The following CPNE8 variants were observed in gnomAD, a reference collection of about 807,000 sequenced individuals.
The protein encoded by CPNE8 is copine 8.
In CPNE8, 45 loss-of-function variants were observed where a neutral mutation model predicts 81.5. The observed-to-expected ratio is 0.55, with a 90% CI of 0.44 to 0.71. CPNE8 has a LOEUF of 0.71. CPNE8 is among the 30% of genes least tolerant of loss of function. The pLI is 0.00. For synonymous variants in CPNE8, 252 were observed against 226.3 expected (o/e 1.11, Z -1.02); for missense variants, 594 against 672.1 (o/e 0.88, Z 1.28).
intron 16 of CPNE8, among the ~76,000 whole-genome samples, chr12:38,678,624 C>T (rs915334621): frequency 4.0e-5 from 6 of 151,766 alleles, no homozygotes; most frequent in South Asian, 4.1e-4. Flanking sequence ...TAGTATAAAA[C>T]GTATGTCAGG....
intron 4 of CPNE8, among the ~76,000 whole-genome samples, chr12:38,845,829 T>C (rs1213462564): frequency 1.3e-5 from 2 of 152,216 alleles, no homozygotes; most frequent in African/African-American, 4.8e-5. Flanking sequence ...CTCCTCTTGA[T>C]GATCTTCTGC....
At chr12:38,710,825 T>A (rs1940236902) in intron 13 of CPNE8, among the ~76,000 whole-genome samples, 1 of 152,192 alleles carries the variant, frequency 6.6e-6, no homozygotes, top group African/African-American at 2.4e-5. Context: ...ATCTTATGCA[T>A]ATGCAACCTA....
intron 5 of CPNE8, among the ~76,000 whole-genome samples, chr12:38,830,632 TAAG>T (rs1943270780): frequency 6.6e-6 from 1 of 152,210 alleles, no homozygotes; most frequent in African/African-American, 2.4e-5. Flanking sequence ...AGAAAATTCC[TAAG>T]AAGGATGGAC....
intron 5 of CPNE8, among the ~76,000 whole-genome samples, chr12:38,837,889 T>C (rs967318436): frequency 2.6e-5 from 4 of 152,136 alleles, no homozygotes; most frequent in East Asian, 1.9e-4. Flanking sequence ...AATTTTCTTA[T>C]GAAAATAAAA....
intron 11 of CPNE8, among the ~76,000 whole-genome samples, chr12:38,727,291 A>G (rs1047469154): frequency 2.6e-5 from 4 of 152,172 alleles, no homozygotes; most frequent in Admixed American, 1.3e-4. Context: ...CAGCCTAGCA[A>G]CTACAGTGGC....
At chr12:38,857,001 A>T (rs940529713) in intron 3 of CPNE8, among the ~76,000 whole-genome samples, 9 of 151,952 alleles carry the variant, frequency 5.9e-5, no homozygotes, top group Non-Finnish European at 8.8e-5. Flanking sequence ...ATATTTTGAT[A>T]AAAAATACTC....
intron 15 of CPNE8, among the ~76,000 whole-genome samples, chr12:38,691,434 G>T (rs1939673749): frequency 6.6e-6 from 1 of 152,142 alleles, no homozygotes; most frequent in Admixed American, 6.5e-5. Context: ...TCGATACTCA[G>T]TAAATACTCA....
chr12:38,706,646 T>C (rs1228483128), intron 13 of CPNE8, among the ~76,000 whole-genome samples: 3 of 152,206 alleles, frequency 2.0e-5, no homozygotes, highest in African/African-American at 7.2e-5. Context: ...ATATATGTTT[T>C]AGCAGATTAT....
At chr12:38,738,806 C>CTTTTTTTT (rs5797590) in intron 10 of CPNE8, among the ~76,000 whole-genome samples, 1 of 50,044 alleles carries the variant, frequency 2.0e-5, no homozygotes, top group Non-Finnish European at 7.3e-5. Flanking sequence ...TTTTTCTTTT[C>CTTTTTTTT]TTTTTTTTTT....
intron 19 of CPNE8, among the ~76,000 whole-genome samples, chr12:38,665,649 A>AT (rs1359438982): frequency 5.9e-5 from 9 of 152,148 alleles, no homozygotes; most frequent in Non-Finnish European, 1.2e-4. Flanking sequence ...GGAAAATATG[A>AT]TTTAAATATA....
intron 19 of CPNE8, among the ~76,000 whole-genome samples, chr12:38,656,575 G>A (rs944338239): frequency 2.0e-5 from 3 of 152,048 alleles, no homozygotes; most frequent in Non-Finnish European, 2.9e-5. Context: ...AGACTTCCCA[G>A]TTTCAAAGCC....
At chr12:38,835,580 C>T (rs1943366273) in intron 5 of CPNE8, among the ~76,000 whole-genome samples, 1 of 152,070 alleles carries the variant, frequency 6.6e-6, no homozygotes, top group Non-Finnish European at 1.5e-5. Flanking sequence ...ATATTTATTG[C>T]CTGTCTGCCT....
chr12:38,696,432 T>A (rs1939799659), intron 14 of CPNE8, among the ~76,000 whole-genome samples: 1 of 151,742 alleles, frequency 6.6e-6, no homozygotes, highest in Admixed American at 6.6e-5. Context: ...TCTGGGACAG[T>A]GTTTGTATTT....
intron 10 of CPNE8, among the ~76,000 whole-genome samples, chr12:38,751,444 A>G (rs1304041734): frequency 6.6e-6 from 1 of 152,158 alleles, no homozygotes; most frequent in Non-Finnish European, 1.5e-5. Flanking sequence ...ATATGTTGCA[A>G]TTTATTTTCT....
At chr12:38,766,574 C>G (rs368166893) in intron 8 of CPNE8, among the ~76,000 whole-genome samples, 2 of 152,156 alleles carry the variant, frequency 1.3e-5, no homozygotes, top group African/African-American at 4.8e-5. Flanking sequence ...AGTAGACCAT[C>G]ATTTTAAACT....
At position 38,878,006 on chromosome 12, in the gene CPNE8, G is replaced by A. The variant is rs149906920; in HGVS notation, c.99-3495C>T. On this transcript the variant is annotated intron_variant, in intron 1 of 19. Coordinates refer to ENST00000331366, the MANE Select transcript of CPNE8 (RefSeq NM_153634.3). ...CACCAAAACCAAGATGGTGATGAGA[G>A]TGACCTCTGGTCTTCCTCACTGCTA... Among the ~76,000 whole-genome samples, 858 of 152,274 alleles carry A rather than the reference G, an allele frequency of 5.6e-3. 5 individuals are homozygous for A. Among genetic ancestry groups the A allele is most frequent in the Middle Eastern group, 0.044 (13 of 294 alleles).
At chr12:38,796,668 T>G (rs1942483472) in intron 6 of CPNE8, among the ~76,000 whole-genome samples, 1 of 152,046 alleles carries the variant, frequency 6.6e-6, no homozygotes, top group South Asian at 2.1e-4. Context: ...CAGGTTCATC[T>G]CACTAGGGAG....
chr12:38,873,027 C>T lies in CPNE8; in HGVS notation c.163G>A (p.Val55Ile). The part of the protein sequence containing the change: ...DPICVLYVQG[V>I]GNKEWREFGR... ...ACCTCTCTCCATTCTTTATTTCCAA[C>T]TCCTTGTACATATAAGACACAAACT... The change falls in exon 3 of 20, where the codon GTT becomes ATT. Residue 55 changes from valine (V) to isoleucine (I), a missense_variant. Transcript: ENST00000331366. 6.4e-7 allele frequency: 1 copy of T among 1,556,638 alleles called. No homozygotes were observed. Among genetic ancestry groups the T allele is most frequent in the Non-Finnish European group, 8.8e-7 (1 of 1,132,716 alleles).
chr12:38,798,484 C>T (rs991276851), intron 6 of CPNE8, among the ~76,000 whole-genome samples: 5 of 152,156 alleles, frequency 3.3e-5, no homozygotes, highest in East Asian at 1.9e-4. Flanking sequence ...AAATACTTTA[C>T]AGACAAGCAA....
Sources: gnomAD v4.1 joint callset for allele counts (sites outside exome capture counted in the v4.1 genomes callset) on GRCh38, gnomAD v4.1.1 for gene constraint, MANE v1.5 for transcripts, NCBI Gene and HGNC (gene_info 2026-07-23, HGNC 2026-07-21) for gene names.